MED14: variants seen among roughly 807,000 people sequenced by gnomAD.
MED14 encodes mediator of RNA polymerase II transcription subunit 14.
A neutral mutation model predicts 109.0 loss-of-function variants in MED14; 8 were observed. The ratio of observed to expected loss-of-function variants is 0.07; its 90% CI spans 0.04 to 0.13. The LOEUF is 0.13. Ranked by LOEUF, MED14 falls within the 10% of genes least tolerant of loss-of-function variation. MED14 has a pLI of 1.00. For missense variants in MED14, 711 were observed against 1,142.4 expected, an observed-to-expected ratio of 0.62 and a Z score of 5.44; for synonymous variants, 399 against 408.7, an observed-to-expected ratio of 0.98 and a Z score of 0.29.
chrX:40,656,593 T>TA (rs1929063296), intron 28 of MED14, among the ~76,000 whole-genome samples: 1 of 112,376 alleles, frequency 8.9e-6, no homozygotes, highest in Non-Finnish European at 1.9e-5. Flanking sequence ...GGCACATCCA[T>TA]AAAAAGGCTC....
intron 14 of MED14, 92 bp downstream of exon 14, chrX:40,692,616 T>G: frequency 1.1e-6 from 1 of 890,049 alleles, no homozygotes; most frequent in Non-Finnish European, 1.6e-6. Context: ...TTAAAAACTG[T>G]ATCTTAGTTC....
At chrX:40,688,322 G>A (rs1930371160) in intron 16 of MED14, 132 bp downstream of exon 16, 2 of 461,228 alleles carry the variant, frequency 4.3e-6, no homozygotes, top group South Asian at 7.6e-5. Flanking sequence ...CCAGACCCTA[G>A]TAACTCTATG....
At position 40,683,034 on chromosome X, in the gene MED14, C is replaced by T. The variant is rs750914968; in HGVS notation, c.2058-38G>A. ...GACAGCATATGAAGTATACTTTACA[C>T]AGACAAAGCACAATGTACACAATGA... On this transcript the variant is annotated intron_variant, in intron 16 of 30. Coordinates refer to ENST00000324817, the MANE Select transcript of MED14 (RefSeq NM_004229.4). The T allele has an allele frequency of 4.6e-6, 5 of 1,094,936 alleles. No homozygotes were observed. The East Asian group carries it at 1.5e-4, about 33-fold the overall frequency. 90.2% of individuals were successfully genotyped at this position (1,094,936 alleles called of 1,213,427 possible). A position where few individuals can be genotyped will look rare whatever the true frequency, so the allele number is the denominator to read the frequency against.
chrX:40,669,803 A>G (rs1442873122), intron 23 of MED14, among the ~76,000 whole-genome samples: 17 of 111,613 alleles, frequency 1.5e-4, no homozygotes, highest in East Asian at 2.8e-4. Flanking sequence ...CTCCTTGTCC[A>G]TGTCCCTGCA....
Position 40,682,609 on chromosome X carries a change from G to A in MED14, c.2359C>T (p.Leu787=), listed in dbSNP as rs148696452. 6.0e-6 allele frequency: 7 copies of A among 1,166,269 alleles called. No homozygotes were observed. In the African/African-American group the frequency reaches 1.3e-4, roughly 21 times the overall value. ...YECVLEFARS[L]PDIPAHLNIF... is the part of the protein sequence containing the mutation. ...AGATTATCTCCACACGTACCTGGTA[G>A]AGAACGTGCAAATTCCAACACACAC... The change falls in exon 18 of 31, where the codon CTA becomes TTA. Residue 787 remains leucine, a synonymous_variant. Transcript: ENST00000324817.
In MED14 at chrX:40,703,513, T is replaced by C. The variant is rs772172503; in HGVS notation, c.1342A>G (p.Asn448Asp). 16 of 1,189,320 alleles carry C rather than the reference T, an allele frequency of 1.3e-5. No individual in the cohort carries two copies. Among genetic ancestry groups the C allele is most frequent in the Middle Eastern group, 2.3e-4 (1 of 4,307 alleles). ...ACAAAAATGTGCAGACACTCTGAATTACCACAGGGCTCCAAGATGGGAACA... is the reference window on the plus strand; with the variant it reads ...ACAAAAATGTGCAGACACTCTGAATCACCACAGGGCTCCAAGATGGGAACA... ...LVVPILEPCG[N>D]SECLHIFVDL... Residue 448 changes from asparagine to aspartate, a missense_variant, in exon 11 of 31, where the codon AAT becomes GAT. This residue lies in a region of MED14 where 388 missense variants were observed against 517.3 expected (regional missense o/e 0.75). Transcript: ENST00000324817.
chrX:40,710,976 G>GT (rs1569294790), intron 8 of MED14, among the ~76,000 whole-genome samples, 193 bp downstream of exon 8: 1 of 111,879 alleles, frequency 8.9e-6, no homozygotes, highest in Non-Finnish European at 1.9e-5. Flanking sequence ...CAGAACCCAC[G>GT]TATAGGGAAG....
chrX:40,649,976 A>C lies in MED14; in HGVS notation c.*1830T>G. ...TCAAAACCACATTAAAAGGGAAAATACCTAAAAAGTTAACTCTTAATAAAA... is the reference window on the plus strand; with the variant it reads ...TCAAAACCACATTAAAAGGGAAAATCCCTAAAAAGTTAACTCTTAATAAAA... On this transcript the variant is annotated 3_prime_UTR_variant, in exon 31 of 31. Coordinates refer to ENST00000324817, the MANE Select transcript of MED14 (RefSeq NM_004229.4). The C allele has an allele frequency of 2.7e-6, 2 of 748,540 alleles. No homozygotes were observed. The highest frequency in any genetic ancestry group is 3.2e-6 in the Non-Finnish European group (2 of 633,517). 61.7% of individuals were successfully genotyped at this position (748,540 alleles called of 1,213,427 possible).
rs775546699 is a variant in MED14, at chrX:40,687,228, C to G, written c.2057+1226G>C. On this transcript the variant is annotated intron_variant, in intron 16 of 30. Coordinates refer to ENST00000324817, the MANE Select transcript of MED14 (RefSeq NM_004229.4). ...ATCCATCATTTGCCCAAGATAAAAC[C>G]AAGAATCATCTTTGCCACTTTCCCC... Among the ~76,000 whole-genome samples the G allele has an allele frequency of 2.7e-5, 3 of 111,528 alleles. No homozygotes were observed. The South Asian group carries it at 1.1e-3, about 43-fold the overall frequency.
rs757284159 is a variant in MED14 at position 40,658,298 on chromosome X, C to T, written c.3972+929G>A. Among the ~76,000 whole-genome samples the T allele has an allele frequency of 4.5e-5, 5 of 110,006 alleles. No individual in the cohort carries two copies. The South Asian group carries it at 1.9e-3, about 43-fold the overall frequency. On this transcript the variant is annotated intron_variant, in intron 28 of 30. Coordinates refer to ENST00000324817, the MANE Select transcript of MED14 (RefSeq NM_004229.4). Reference sequence around the variant, plus strand: ...GTAGAGACAGGGTTTCACCACATTGCCCAGGCTGGTCTCGAGCTCCTGAGC... The same window carrying T: ...GTAGAGACAGGGTTTCACCACATTGTCCAGGCTGGTCTCGAGCTCCTGAGC...
Position 40,648,409 on chromosome X carries a change from G to A in MED14, c.*3397C>T, listed in dbSNP as rs1482185518. 2.7e-5 allele frequency: 3 copies of A among 111,591 alleles called. No individual in the cohort carries two copies. Among genetic ancestry groups the A allele is most frequent in the African/African-American group, 9.8e-5 (3 of 30,672 alleles). The allele number at this position is 111,591 out of a possible 1,213,427, so 9.2% of individuals were successfully genotyped here. A position where few individuals can be genotyped will look rare whatever the true frequency, so the allele number is the denominator to read the frequency against. The stretch of plus-strand genomic sequence containing the variant: ...AAGAGTCTAAACATTAAACCTTCCC[G>A]ACTGTGGTTCACAGCAAAAATGTCC... On this transcript the variant is annotated 3_prime_UTR_variant, in exon 31 of 31. Transcript: ENST00000324817.
intron 10 of MED14, among the ~76,000 whole-genome samples, chrX:40,706,811 TTC>T (rs1223383089): frequency 9.0e-6 from 1 of 111,648 alleles, no homozygotes; most frequent in Non-Finnish European, 1.9e-5. Flanking sequence ...TAAGTTTTTG[TTC>T]TGTTTTTTAA....
At chrX:40,729,466 C>CATGAGCCTGTAGTAGCTG in intron 1 of MED14, 121 bp from the exon 2 acceptor site, 4 of 651,797 alleles carry the variant, frequency 6.1e-6, no homozygotes, top group Non-Finnish European at 9.1e-6. Context: ...TAAACAGCTA[C>CATGAGCCTGTAGTAGCTG]TACAGGCTCA....
At chrX:40,734,602 A>T (rs1399940849) in intron 1 of MED14, among the ~76,000 whole-genome samples, 3 of 112,581 alleles carry the variant, frequency 2.7e-5, no homozygotes, top group Non-Finnish European at 5.6e-5. Flanking sequence ...TTAACAACTT[A>T]ATCATGCCCC....
chrX:40,662,082 TCTTGAA>T (rs1929302891), intron 26 of MED14, among the ~76,000 whole-genome samples: 1 of 111,099 alleles, frequency 9.0e-6, no homozygotes, highest in Non-Finnish European at 1.9e-5. Context: ...CCCAGGCTGG[TCTTGAA>T]CTCCTGACCT....
At chrX:40,691,607 CTTTTT>C (rs36144185) in intron 15 of MED14, among the ~76,000 whole-genome samples, 6 of 59,457 alleles carry the variant, frequency 1.0e-4, no homozygotes, top group Non-Finnish European at 1.8e-4. Flanking sequence ...TTCTTTTAAT[CTTTTT>C]TTTTTTTTTT....
In MED14 at chrX:40,650,394, T is replaced by C. The variant is rs1319654507; in HGVS notation, c.*1412A>G. ...CTTGAAACTAGAATTTGATAGTTGATAGTTATAGAAGCTCAATTAAATCAT... is the reference window on the plus strand; with the variant it reads ...CTTGAAACTAGAATTTGATAGTTGACAGTTATAGAAGCTCAATTAAATCAT... On this transcript the variant is annotated 3_prime_UTR_variant, in exon 31 of 31. Coordinates refer to ENST00000324817, the MANE Select transcript of MED14 (RefSeq NM_004229.4). 1.3e-6 allele frequency: 1 copy of C among 750,181 alleles called. No homozygotes were observed. Among genetic ancestry groups the C allele is most frequent in the African/African-American group, 2.3e-5 (1 of 43,278 alleles). The allele number at this position is 750,181 out of a possible 1,213,427, so 61.8% of individuals were successfully genotyped here.
intron 22 of MED14, 51 bp from the exon 23 acceptor site, chrX:40,672,023 TAA>T (rs1199136092): frequency 1.3e-6 from 1 of 745,086 alleles, no homozygotes; most frequent in East Asian, 3.3e-5. Flanking sequence ...GCACGGAGCA[TAA>T]GAGTGTGGCT....
At chrX:40,731,778 G>A (rs1932087556) in intron 1 of MED14, among the ~76,000 whole-genome samples, 1 of 112,153 alleles carries the variant, frequency 8.9e-6, no homozygotes, top group South Asian at 3.6e-4. Context: ...GTAGATTCTT[G>A]CAAACTAGTC....
Sources: allele counts gnomAD v4.1 joint callset (sites outside exome capture counted in the v4.1 genomes callset), GRCh38; gene constraint gnomAD v4.1.1; regional missense constraint gnomAD v4.1.1; transcripts MANE v1.5; gene names NCBI Gene and HGNC (gene_info 2026-07-23, HGNC 2026-07-21).